The following LRP6 variants were observed in gnomAD, a reference collection of about 807,000 sequenced individuals.
LRP6 encodes LDL receptor related protein 6.
LRP6 carries 43 observed loss-of-function variants against 184.1 expected under a neutral mutation model. The ratio of observed to expected loss-of-function variants is 0.23; its 90% CI spans 0.18 to 0.30. The LOEUF is 0.30. LRP6 is among the 10% of genes least tolerant of loss of function. The pLI is 1.00. For synonymous variants in LRP6, 719 were observed against 684.9 expected (o/e 1.05, Z -0.78); for missense variants, 1,571 against 2,005.3 (o/e 0.78, Z 4.14).
At chr12:12,199,385 A>G (rs1468953011) in intron 3 of LRP6, among the ~76,000 whole-genome samples, 1 of 152,204 alleles carries the variant, frequency 6.6e-6, no homozygotes, top group African/African-American at 2.4e-5. Flanking sequence ...AAAAAAAGGT[A>G]AGATAGGAAA....
At chr12:12,128,593 C>A (rs138071575) in intron 19 of LRP6, among the ~76,000 whole-genome samples, 6 of 152,254 alleles carry the variant, frequency 3.9e-5, no homozygotes, top group African/African-American at 1.4e-4. Flanking sequence ...TCAGTCATTT[C>A]TCCTAGATTC....
intron 15 of LRP6, among the ~76,000 whole-genome samples, chr12:12,145,255 C>CG (rs1949987350): frequency 6.6e-6 from 1 of 151,308 alleles, no homozygotes; most frequent in African/African-American, 2.4e-5. Flanking sequence ...ACTATACATG[C>CG]GTAAGTGTGT....
chr12:12,205,329 C>CAAACAAA (rs1565646540), intron 2 of LRP6, among the ~76,000 whole-genome samples: 1 of 39,110 alleles, frequency 2.6e-5, no homozygotes, highest in African/African-American at 7.5e-5. Context: ...CTCAAACAAA[C>CAAACAAA]AAAAAAAAAA....
chr12:12,244,852 G>T (rs1046313142), intron 1 of LRP6, among the ~76,000 whole-genome samples, 197 bp from the exon 2 acceptor site: 1 of 152,110 alleles, frequency 6.6e-6, no homozygotes, highest in Non-Finnish European at 1.5e-5. Flanking sequence ...CATAGGAAAT[G>T]GGGGGAACTA....
In LRP6 at chr12:12,244,322, T is replaced by G. The variant is rs1473511788; in HGVS notation, c.389A>C (p.Lys130Thr). 3.1e-6 allele frequency: 5 copies of G among 1,614,000 alleles called. No homozygotes were observed. The South Asian group carries it at 5.5e-5, about 18-fold the overall frequency. The change falls in exon 2 of 23, where the codon AAA becomes ACA. Residue 130 changes from lysine to threonine, a missense_variant. Coordinates refer to ENST00000261349, the MANE Select transcript of LRP6 (RefSeq NM_002336.3). The stretch of plus-strand genomic sequence containing the variant: ...ATCCAACTCTTGCCAAAATAAAACT[T>G]TTCGTAAAGATCCATCTAAATTAGA... ...EVSNLDGSLRKVLFWQELDQP... is the reference protein window; with the variant it reads ...EVSNLDGSLRTVLFWQELDQP...
Position 12,121,066 on chromosome 12 carries a change from T to G in LRP6, c.*60A>C. The G allele has an allele frequency of 6.8e-7, 1 of 1,474,320 alleles. No homozygotes were observed. The highest frequency in any genetic ancestry group is 1.4e-5 in the African/African-American group (1 of 71,324). 91.3% of individuals were successfully genotyped at this position (1,474,320 alleles called of 1,614,324 possible). ...ATAGCTCCCTCCCCCCCTCCAGATC[T>G]CAACCAAATTTATATTTACATTTTT... is the stretch of plus-strand genomic sequence containing the variant. On this transcript the variant is annotated 3_prime_UTR_variant, in exon 23 of 23. Transcript: ENST00000261349.
In LRP6 at chr12:12,159,940, A is replaced by G. The variant is rs1862699467; in HGVS notation, c.2304T>C (p.Gly768=). 2 of 1,613,000 alleles carry G rather than the reference A, an allele frequency of 1.2e-6. No homozygotes were observed. Among genetic ancestry groups the G allele is most frequent in the African/African-American group, 2.7e-5 (2 of 74,874 alleles). Residue 768 remains glycine, a synonymous_variant, in exon 11 of 23, where the codon GGT becomes GGC. Transcript: ENST00000261349. ...AEGFMYWTEW[G]GKPKIDRAAM... ...CAGCTCTGTCTATCTTAGGTTTTCC[A>G]CCCCATTCAGTCCAATACATAAATC...
chr12:12,242,002 T>C (rs1445897953), intron 2 of LRP6, among the ~76,000 whole-genome samples: 3 of 152,228 alleles, frequency 2.0e-5, no homozygotes, highest in Admixed American at 6.5e-5. Context: ...TCATTAGTTT[T>C]GGGGAACAAA....
At position 12,165,301 on chromosome 12, in the gene LRP6, G is replaced by A. The variant is rs759472851; in HGVS notation, c.1546-6C>T. 1 of 1,596,014 alleles carries A rather than the reference G, an allele frequency of 6.3e-7. No homozygotes were observed. The highest frequency in any genetic ancestry group is 8.6e-7 in the Non-Finnish European group (1 of 1,164,390). ...GTGCCATCAGTATTCATAACCTTCA[G>A]GTTTAAATTCAAAAGAGAAGGGGAT... On this transcript the variant is annotated splice_region_variant and splice_polypyrimidine_tract_variant and intron_variant, in intron 7 of 22. Coordinates refer to ENST00000261349, the MANE Select transcript of LRP6 (RefSeq NM_002336.3).
intron 3 of LRP6, among the ~76,000 whole-genome samples, chr12:12,190,519 C>T (rs1863586461): frequency 6.6e-6 from 1 of 152,200 alleles, no homozygotes; most frequent in Admixed American, 6.5e-5. Flanking sequence ...TAAAGCTCAC[C>T]ACTGCCAATA....
Position 12,119,988 on chromosome 12 carries a change from A to AAACAAAC in LRP6, c.*1137_*1138insGTTTGTT, listed in dbSNP as rs1411042297. On this transcript the variant is annotated 3_prime_UTR_variant, in exon 23 of 23. Transcript: ENST00000261349. ...TTACTCAGAAAACAAACAAACAAAC[A>AAACAAAC]AAATATATATATATATATATATATA... is the stretch of plus-strand genomic sequence containing the variant. 399 of 97,034 alleles carry AAACAAAC rather than the reference A, an allele frequency of 4.1e-3. 16 individuals are homozygous for AAACAAAC. Among genetic ancestry groups the AAACAAAC allele is most frequent in the Middle Eastern group, 0.024 (4 of 168 alleles). The allele number at this position is 97,034 out of a possible 1,614,324, so 6.0% of individuals were successfully genotyped here.
intron 3 of LRP6, among the ~76,000 whole-genome samples, chr12:12,202,369 G>A (rs1368864253): frequency 1.3e-5 from 2 of 152,120 alleles, no homozygotes; most frequent in East Asian, 1.9e-4. Context: ...ATGGTGAGAC[G>A]CCATCTTTAC....
rs561619133 is a variant in LRP6 at position 12,208,826 on chromosome 12, T to C, written c.450-5426A>G. On this transcript the variant is annotated intron_variant, in intron 2 of 22. Transcript: ENST00000261349. ...GGACAGCCAGAAACAGTGAAATGGT[T>C]TTGTGTGCCTATGTCTATTATAATA... Among the ~76,000 whole-genome samples, 29 of 152,324 alleles carry C rather than the reference T, an allele frequency of 1.9e-4. No individual in the cohort carries two copies. The South Asian group carries it at 4.3e-3, about 23-fold the overall frequency.
intron 2 of LRP6, among the ~76,000 whole-genome samples, chr12:12,228,033 T>C (rs1864674986): frequency 6.6e-6 from 1 of 152,170 alleles, no homozygotes; most frequent in Admixed American, 6.5e-5. Context: ...ATTTGGCACA[T>C]TTCCCCGAGA....
At chr12:12,173,792 T>C (rs2136971939) in intron 7 of LRP6, among the ~76,000 whole-genome samples, 1 of 152,254 alleles carries the variant, frequency 6.6e-6, no homozygotes, top group East Asian at 1.9e-4. Context: ...AATAATCAAC[T>C]AGCAATTTTC....
rs1257139356 is a variant in LRP6, at chr12:12,118,261, CCTT to C, written c.*2862_*2864del. 6.6e-6 allele frequency: 1 copy of C among 152,186 alleles called. No individual in the cohort carries two copies. The highest frequency in any genetic ancestry group is 1.9e-4 in the East Asian group (1 of 5,202). 9.4% of individuals were successfully genotyped at this position (152,186 alleles called of 1,614,324 possible). A position where few individuals can be genotyped will look rare whatever the true frequency, so the allele number is the denominator to read the frequency against. ...TTATCTGACTTAAGCAAACAAAACTCCTTAAGTCACTATTCAGAAGACCACGAC... is the reference window on the plus strand; with the variant it reads ...TTATCTGACTTAAGCAAACAAAACTCAAGTCACTATTCAGAAGACCACGAC... On this transcript the variant is annotated 3_prime_UTR_variant, in exon 23 of 23. Coordinates refer to ENST00000261349, the MANE Select transcript of LRP6 (RefSeq NM_002336.3).
chr12:12,211,379 T>G (rs964980820), intron 2 of LRP6, among the ~76,000 whole-genome samples: 2 of 152,130 alleles, frequency 1.3e-5, no homozygotes, highest in African/African-American at 4.8e-5. Flanking sequence ...GAGGTGGAGG[T>G]TGCAATGAGC....
chr12:12,126,608 T>C (rs1949674798), intron 20 of LRP6, 83 bp downstream of exon 20: 16 of 1,051,960 alleles, frequency 1.5e-5, no homozygotes, highest in South Asian at 1.4e-4. Context: ...AGACAGACTC[T>C]AGGTAGTATT....
chr12:12,235,715 G>A (rs1864914584), intron 2 of LRP6, among the ~76,000 whole-genome samples: 1 of 149,202 alleles, frequency 6.7e-6, no homozygotes, highest in Admixed American at 6.7e-5. Context: ...GGGCAACAAG[G>A]ACAAAACTCC....
Sources: allele counts gnomAD v4.1 joint callset (sites outside exome capture counted in the v4.1 genomes callset), GRCh38; gene constraint gnomAD v4.1.1; transcripts MANE v1.5; gene names NCBI Gene and HGNC (gene_info 2026-07-23, HGNC 2026-07-21).